The following ZNF609 variants were observed in gnomAD, a reference collection of about 807,000 sequenced individuals.
ZNF609 encodes the protein zinc finger protein 609.
A neutral mutation model predicts 109.5 loss-of-function variants in ZNF609; 11 were observed. That is an observed-to-expected ratio of 0.10 (90% confidence interval 0.06 to 0.17). ZNF609 has a LOEUF of 0.17. Among genes scored for constraint, ZNF609 ranks in the 10% least tolerant of loss-of-function variants. ZNF609 has a pLI of 1.00. For synonymous variants in ZNF609, 646 were observed against 662.0 expected, an observed-to-expected ratio of 0.98 and a Z score of 0.37; for missense variants, 1,559 against 1,772.4, an observed-to-expected ratio of 0.88 and a Z score of 2.16.
At chr15:64,511,876 A>G (rs1489736787) in intron 2 of ZNF609, among the ~76,000 whole-genome samples, 1 of 151,516 alleles carries the variant, frequency 6.6e-6, no homozygotes, top group Non-Finnish European at 1.5e-5. Context: ...CACCACGCCC[A>G]GCTAATTTTT....
Position 64,607,854 on chromosome 15 carries a change from TC to T in ZNF609, c.748-14972del, listed in dbSNP as rs201083153. 2.0e-4 allele frequency among the ~76,000 whole-genome samples: 6 copies of T among 29,984 alleles called. 2 individuals are homozygous for T. Among genetic ancestry groups the T allele is most frequent in the Non-Finnish European group, 2.3e-4 (2 of 8,728 alleles). 19.7% of individuals were successfully genotyped at this position (29,984 alleles called of 152,430 possible). On this transcript the variant is annotated intron_variant, in intron 2 of 9. Coordinates refer to ENST00000326648, the MANE Select transcript of ZNF609 (RefSeq NM_015042.2). ...TTCTTTCTTTCTTTCTTTCTTTCTTTCTTTCTTTCTTTCTTTCTTTCTTTCT... is the reference window on the plus strand; with the variant it reads ...TTCTTTCTTTCTTTCTTTCTTTCTTTTTTCTTTCTTTCTTTCTTTCTTTCT...
At chr15:64,521,428 G>A (rs560117222) in intron 2 of ZNF609, among the ~76,000 whole-genome samples, 1 of 152,280 alleles carries the variant, frequency 6.6e-6, no homozygotes, top group South Asian at 2.1e-4. Flanking sequence ...CTGGTCTCTG[G>A]GGTGTAGGCA....
chr15:64,657,575 C>T (rs1183128393), intron 3 of ZNF609, among the ~76,000 whole-genome samples: 1 of 152,134 alleles, frequency 6.6e-6, no homozygotes, highest in African/African-American at 2.4e-5. Flanking sequence ...GATCGCGCTA[C>T]TGCACCCCAG....
chr15:64,601,816 T>A (rs1207020668), intron 2 of ZNF609, among the ~76,000 whole-genome samples: 2 of 152,186 alleles, frequency 1.3e-5, no homozygotes, highest in East Asian at 3.8e-4. Context: ...TATAAACAAA[T>A]CACTTGTGAA....
chr15:64,501,667 ATCTGGCTTCAAGAAAC>A (rs567574395), intron 2 of ZNF609: 27 of 152,310 alleles, frequency 1.8e-4, no homozygotes, highest in African/African-American at 6.0e-4. Context: ...TGTTCCCTAC[ATCTGGCTTCAAGAAAC>A]TCTTGCCATA....
chr15:64,483,461 A>C (rs1047588101), intron 1 of ZNF609, among the ~76,000 whole-genome samples: 3 of 152,032 alleles, frequency 2.0e-5, no homozygotes, highest in African/African-American at 7.2e-5. Context: ...ATCATGGCTC[A>C]CTGCTTCATC....
intron 3 of ZNF609, among the ~76,000 whole-genome samples, chr15:64,639,815 A>G (rs1896227030): frequency 6.6e-6 from 1 of 152,230 alleles, no homozygotes; most frequent in Admixed American, 6.5e-5. Context: ...GATTTTCTAG[A>G]AATGTGCATA....
intron 2 of ZNF609, among the ~76,000 whole-genome samples, chr15:64,603,314 A>G (rs1042259169): frequency 1.4e-5 from 2 of 145,026 alleles, no homozygotes; most frequent in Non-Finnish European, 3.0e-5. Context: ...CTTGTCACCC[A>G]GGCTGGAGTG....
chr15:64,538,748 G>T (rs1425298667), intron 2 of ZNF609, among the ~76,000 whole-genome samples: 1 of 151,992 alleles, frequency 6.6e-6, no homozygotes, highest in African/African-American at 2.4e-5. Context: ...GTTTCTCCAT[G>T]TTAGTCAGGC....
At chr15:64,599,656 C>T (rs1212664021) in intron 2 of ZNF609, among the ~76,000 whole-genome samples, 1 of 152,144 alleles carries the variant, frequency 6.6e-6, no homozygotes, top group African/African-American at 2.4e-5. Context: ...TTACTCCCCT[C>T]CTTCTATTAA....
intron 2 of ZNF609, among the ~76,000 whole-genome samples, chr15:64,621,107 A>G (rs192372903): frequency 5.9e-5 from 9 of 152,330 alleles, no homozygotes; most frequent in South Asian, 2.1e-4. Flanking sequence ...ATTCCTCACA[A>G]AGGGAAGAGT....
chr15:64,539,018 T>C (rs920705527), intron 2 of ZNF609, among the ~76,000 whole-genome samples: 6 of 151,750 alleles, frequency 4.0e-5, no homozygotes, highest in African/African-American at 1.5e-4. Context: ...TACATTTTTC[T>C]TTTGAGATGG....
At chr15:64,483,490 TATC>T (rs1481293742) in intron 1 of ZNF609, among the ~76,000 whole-genome samples, 3 of 151,982 alleles carry the variant, frequency 2.0e-5, no homozygotes, top group Non-Finnish European at 4.4e-5. Context: ...GGGCTCCAGT[TATC>T]ATCCTGTCTC....
chr15:64,560,355 T>C (rs1166823771), intron 2 of ZNF609, among the ~76,000 whole-genome samples: 3 of 151,718 alleles, frequency 2.0e-5, no homozygotes, highest in Non-Finnish European at 4.4e-5. Flanking sequence ...GTCTCTCTGG[T>C]TTTTTAATTT....
chr15:64,472,486 T>G (rs188122984), intron 1 of ZNF609, among the ~76,000 whole-genome samples: 97 of 152,338 alleles, frequency 6.4e-4, no homozygotes, highest in African/African-American at 2.2e-3. Flanking sequence ...TGGGATATTA[T>G]CAGCAGCATA....
At chr15:64,580,320 G>A (rs1895076859) in intron 2 of ZNF609, among the ~76,000 whole-genome samples, 1 of 152,172 alleles carries the variant, frequency 6.6e-6, no homozygotes, top group African/African-American at 2.4e-5. Context: ...CTCCAGAACT[G>A]TATGATAATA....
intron 3 of ZNF609, among the ~76,000 whole-genome samples, chr15:64,642,727 G>A (rs955812091): frequency 1.3e-5 from 2 of 152,186 alleles, no homozygotes; most frequent in African/African-American, 2.4e-5. Context: ...CTGGGAGATC[G>A]AGGCTGCAGT....
At chr15:64,464,789 C>G (rs2140326152) in intron 1 of ZNF609, among the ~76,000 whole-genome samples, 1 of 152,224 alleles carries the variant, frequency 6.6e-6, no homozygotes, top group African/African-American at 2.4e-5. Flanking sequence ...AAGCACCTGC[C>G]TAGCTGGGCA....
rs1258690286 is a variant in ZNF609, at chr15:64,674,583, C to T, written c.1729C>T (p.Pro577Ser). The T allele has an allele frequency of 2.5e-6, 4 of 1,613,982 alleles. No individual in the cohort carries two copies. The highest frequency in any genetic ancestry group is 3.4e-6 in the Non-Finnish European group (4 of 1,180,040). The change falls in exon 5 of 10, where the codon CCT becomes TCT. Residue 577 changes from proline (P) to serine (S), a missense_variant. By Grantham distance (74) the Pro-to-Ser change is moderately conservative (BLOSUM62 -1). Around this residue, in one of 4 missense-constraint regions of ZNF609, gnomAD observed 1,204 missense variants for 1,314.1 expected, o/e 0.92. Coordinates refer to ENST00000326648, the MANE Select transcript of ZNF609 (RefSeq NM_015042.2). Reference protein sequence around the residue: ...PKVRLVEPHSPSPSSKFSTKG... With the variant: ...PKVRLVEPHSSSPSSKFSTKG... ...AGTTCGACTTGTAGAGCCCCATAGC[C>T]CTTCTCCTTCAAGCAAATTCAGCAC... is the stretch of plus-strand genomic sequence containing the variant.
Sources: gnomAD v4.1 joint callset for allele counts (sites outside exome capture counted in the v4.1 genomes callset) on GRCh38, gnomAD v4.1.1 for gene constraint, gnomAD v4.1.1 regional missense constraint, MANE v1.5 for transcripts, NCBI Gene and HGNC (gene_info 2026-07-23, HGNC 2026-07-21) for gene names.